Variants in CELF2 observed in about 807,000 individuals in gnomAD.
CELF2 encodes CUG triplet repeat RNA-binding protein 2.
Under a neutral mutation model 62.6 loss-of-function variants are expected in CELF2, and 8 were observed. That is an observed-to-expected ratio of 0.13 (90% CI 0.07 to 0.23). The LOEUF (loss-of-function observed/expected upper bound fraction) is 0.23, where lower values mean the gene tolerates loss of function less well. Ranked by LOEUF, CELF2 falls within the 10% of genes least tolerant of loss-of-function variation. The pLI, the probability that CELF2 is intolerant of heterozygous loss-of-function variation, is 1.00. For missense variants in CELF2, 333 were observed against 671.0 expected, an observed-to-expected ratio of 0.50 and a Z score of 5.56; for synonymous variants, 258 against 250.0, an observed-to-expected ratio of 1.03 and a Z score of -0.30.
chr10:10,818,539 AT>A (rs1389618794), intron 1 of CELF2, among the ~76,000 whole-genome samples: 79 of 144,016 alleles, frequency 5.5e-4, no homozygotes, highest in Middle Eastern at 3.5e-3. Context: ...GCAGCATTAA[AT>A]ATTTCCTTTT....
intron 3 of CELF2, among the ~76,000 whole-genome samples, chr10:11,230,892 G>A (rs1158008023): frequency 2.6e-5 from 4 of 152,184 alleles, no homozygotes; most frequent in South Asian, 4.1e-4. Flanking sequence ...AGAAAGCATC[G>A]GAGTGTAGAG....
intron 6 of CELF2, among the ~76,000 whole-genome samples, 168 bp downstream of exon 6, chr10:11,266,845 T>G: frequency 6.8e-6 from 1 of 146,076 alleles, no homozygotes; most frequent in Non-Finnish European, 1.5e-5. Context: ...CTCTCTCTCT[T>G]TCTCTATGCA....
chr10:10,736,397 T>TTTCTTTC, the CELF2 span, among the ~76,000 whole-genome samples: 518 of 55,228 alleles, frequency 9.4e-3, no homozygotes, highest in South Asian at 0.017. Flanking sequence ...TCTTTCTTTC[T>TTTCTTTC]TTTTTTTTTT....
At chr10:10,838,058 C>A (rs991442311) in intron 1 of CELF2, among the ~76,000 whole-genome samples, 4 of 152,208 alleles carry the variant, frequency 2.6e-5, no homozygotes, top group Non-Finnish European at 4.4e-5. Context: ...TCCAGGATGT[C>A]ACAGTACATT....
intron 1 of CELF2, among the ~76,000 whole-genome samples, chr10:10,882,973 C>A (rs567684746): frequency 6.6e-6 from 1 of 151,996 alleles, no homozygotes; most frequent in African/African-American, 2.4e-5. Flanking sequence ...GATAAGATGG[C>A]GAAGGGGCTT....
At chr10:10,968,132 C>T (rs1303512014) in intron 2 of CELF2, among the ~76,000 whole-genome samples, 2 of 148,782 alleles carry the variant, frequency 1.3e-5, no homozygotes, top group Non-Finnish European at 1.5e-5. Context: ...GTCAACAAAA[C>T]GCACAGGGTT....
chr10:10,701,748 T>C, the CELF2 span, among the ~76,000 whole-genome samples: 1 of 152,090 alleles, frequency 6.6e-6, no homozygotes, highest in African/African-American at 2.4e-5. Flanking sequence ...CCGTGCGGGG[T>C]GCAGCTAGGG....
At chr10:10,737,394 C>G in the CELF2 span, among the ~76,000 whole-genome samples, 1 of 152,038 alleles carries the variant, frequency 6.6e-6, no homozygotes, top group South Asian at 2.1e-4. Context: ...AGAATTATCT[C>G]TAAACAGCTC....
At chr10:10,915,148 AAGAT>A (rs368846485) in intron 1 of CELF2, among the ~76,000 whole-genome samples, 7,243 of 144,394 alleles carry the variant, frequency 0.05, 571 homozygotes, top group African/African-American at 0.18. Flanking sequence ...AAAAAAAAAA[AAGAT>A]TTTTTAGTGT....
chr10:11,239,045 T>A (rs773738244), intron 3 of CELF2, among the ~76,000 whole-genome samples: 31 of 152,194 alleles, frequency 2.0e-4, no homozygotes, highest in Non-Finnish European at 4.1e-4. Context: ...GATGCCAAGT[T>A]ACAGATGGGG....
At chr10:10,646,914 C>A in the CELF2 span, among the ~76,000 whole-genome samples, 1 of 152,134 alleles carries the variant, frequency 6.6e-6, no homozygotes, top group Non-Finnish European at 1.5e-5. Flanking sequence ...TCTCCCTGCC[C>A]TTTGATGAGT....
At chr10:10,583,304 A>T in the CELF2 span, among the ~76,000 whole-genome samples, 1 of 152,068 alleles carries the variant, frequency 6.6e-6, no homozygotes, top group Admixed American at 6.6e-5. Context: ...CTTTATGTCT[A>T]TGTGTCCTCA....
intron 1 of CELF2, among the ~76,000 whole-genome samples, chr10:11,085,070 C>T (rs1053572811): frequency 2.8e-4 from 42 of 152,162 alleles, no homozygotes; most frequent in South Asian, 8.3e-4. Flanking sequence ...TGAATTTACT[C>T]GTTTGGCTTT....
intron 1 of CELF2, among the ~76,000 whole-genome samples, chr10:11,103,331 ATT>A (rs3054362): frequency 0.25 from 35,914 of 145,318 alleles, 5,353 homozygotes; most frequent in East Asian, 0.7. Context: ...TACATTATGG[ATT>A]TTTTTTTTTT....
rs1340053617 is a variant in CELF2, at chr10:11,288,531, C to G, written c.955C>G (p.Leu319Val). ...CCCTCTCTCTACCACGAGCAGCGCC[C>G]TGGGAGCCCTCACGAGTCCCGGTGA... ...ANPLSTTSSA[L>V]GALTSPVAAS... The change falls in exon 9 of 13, where the codon CTG becomes GTG. Residue 319 changes from leucine to valine, a missense_variant. Leu to Val is a conservative substitution (Grantham distance 32, BLOSUM62 1). Coordinates refer to ENST00000633077, the MANE Select transcript of CELF2 (RefSeq NM_001326342.2). 6.8e-6 allele frequency: 11 copies of G among 1,613,914 alleles called. No individual in the cohort carries two copies. The highest frequency in any genetic ancestry group is 9.3e-6 in the Non-Finnish European group (11 of 1,180,026).
At chr10:10,884,462 C>T (rs761873725) in intron 1 of CELF2, among the ~76,000 whole-genome samples, 6 of 152,184 alleles carry the variant, frequency 3.9e-5, no homozygotes, top group South Asian at 2.1e-4. Context: ...TTCACACAAA[C>T]GTGAATGATG....
intron 2 of CELF2, among the ~76,000 whole-genome samples, chr10:11,175,735 A>G (rs1286628934): frequency 6.6e-6 from 1 of 152,174 alleles, no homozygotes; most frequent in African/African-American, 2.4e-5. Context: ...GTTGAACTGA[A>G]TATAGAACAG....
the CELF2 span, among the ~76,000 whole-genome samples, chr10:10,760,204 A>T: frequency 6.6e-6 from 1 of 152,078 alleles, no homozygotes. Flanking sequence ...GTGGCCAGCT[A>T]AAATCATTTT....
the CELF2 span, among the ~76,000 whole-genome samples, chr10:10,547,101 T>G: frequency 6.6e-6 from 1 of 152,132 alleles, no homozygotes; most frequent in East Asian, 1.9e-4. Context: ...AGTGAGACTC[T>G]GTCTTAAAAA....
Sources: allele counts gnomAD v4.1 joint callset (sites outside exome capture counted in the v4.1 genomes callset), GRCh38; gene constraint gnomAD v4.1.1; transcripts MANE v1.5; gene names NCBI Gene and HGNC (gene_info 2026-07-23, HGNC 2026-07-21).